The following DUS2 variants were observed in gnomAD, a reference collection of about 807,000 sequenced individuals.
DUS2 encodes dihydrouridine synthase 2.
DUS2 carries 52 observed loss-of-function variants against 71.3 expected under a neutral mutation model. That is an observed-to-expected ratio of 0.73 (90% confidence interval 0.58 to 0.92). The LOEUF (loss-of-function observed/expected upper bound fraction) is 0.92. Ranked by LOEUF, DUS2 falls within the 40% of genes least tolerant of loss-of-function variation. The pLI is 0.00. For missense variants in DUS2, 558 were observed against 622.6 expected (o/e 0.90, Z 1.10); for synonymous variants, 204 against 227.8 (o/e 0.90, Z 0.94).
intron 2 of DUS2, among the ~76,000 whole-genome samples, chr16:68,031,693 G>T (rs989091542): frequency 1.3e-5 from 2 of 151,590 alleles, no homozygotes; most frequent in East Asian, 1.9e-4. Flanking sequence ...TGAAGTTAAG[G>T]TTATTATTTT....
chr16:68,062,671 A>G (rs1351425228), intron 8 of DUS2, among the ~76,000 whole-genome samples: 1 of 146,872 alleles, frequency 6.8e-6, no homozygotes, highest in African/African-American at 2.5e-5. Context: ...GTGAGCAGAG[A>G]TCGTGCCACT....
intron 15 of DUS2, chr16:68,077,886 G>T (rs551583427): frequency 6.3e-6 from 1 of 159,736 alleles, no homozygotes; most frequent in East Asian, 1.8e-4. Flanking sequence ...GGTTGTGTCT[G>T]TGTCCCCACT....
chr16:68,027,857 G>C (rs960266345), intron 2 of DUS2, among the ~76,000 whole-genome samples: 2 of 151,392 alleles, frequency 1.3e-5, no homozygotes, highest in Non-Finnish European at 1.5e-5. Flanking sequence ...TGGCCCCTGG[G>C]CAGGGACAGC....
chr16:68,032,653 G>A (rs1034176432), intron 2 of DUS2, among the ~76,000 whole-genome samples: 4 of 152,184 alleles, frequency 2.6e-5, no homozygotes, highest in African/African-American at 9.6e-5. Context: ...GAAGCAGACA[G>A]TTTGGTGTGG....
chr16:68,036,624 G>C (rs529430882), intron 2 of DUS2, among the ~76,000 whole-genome samples: 4 of 152,226 alleles, frequency 2.6e-5, no homozygotes, highest in African/African-American at 7.2e-5. Context: ...ATTTTAAGTA[G>C]AGATGGGGTT....
rs2034075734 is a variant in DUS2 at position 68,070,953 on chromosome 16, G to C, written c.655G>C (p.Asp219His). 6.2e-7 allele frequency: 1 copy of C among 1,614,034 alleles called. No individual in the cohort carries two copies. The highest frequency in any genetic ancestry group is 1.3e-5 in the African/African-American group (1 of 74,932). ...IPVIANGGSH[D>H]HIQQYSDIED... ...GTTGCTTTTTAGCGGAGGATCTCATGACCACATCCAACAGTATTCGGACAT... is the reference window on the plus strand; with the variant it reads ...GTTGCTTTTTAGCGGAGGATCTCATCACCACATCCAACAGTATTCGGACAT... The change falls in exon 12 of 17, where the codon GAC becomes CAC. Residue 219 changes from aspartate (D) to histidine (H), a missense_variant. Physicochemically the swap from Asp to His is moderately conservative, Grantham distance 81. Transcript: ENST00000565263.
chr16:68,035,929 T>TATATAC (rs1416625748), intron 2 of DUS2, among the ~76,000 whole-genome samples: 43 of 108,522 alleles, frequency 4.0e-4, no homozygotes, highest in African/African-American at 1.5e-3. Context: ...TATATATATA[T>TATATAC]ACACACATAC....
intron 3 of DUS2, among the ~76,000 whole-genome samples, chr16:68,042,739 C>T (rs1158225490): frequency 3.3e-5 from 5 of 151,742 alleles, no homozygotes; most frequent in Non-Finnish European, 5.9e-5. Context: ...GACAGAGTCT[C>T]GCTCTATCGC....
At chr16:68,059,917 C>T (rs1266377891) in intron 7 of DUS2, among the ~76,000 whole-genome samples, 1 of 152,114 alleles carries the variant, frequency 6.6e-6, no homozygotes, top group Non-Finnish European at 1.5e-5. Context: ...AAAGCAACCA[C>T]CATTACTATT....
At chr16:68,060,960 C>T in intron 7 of DUS2, 106 bp from the exon 8 acceptor site, 1 of 1,100,324 alleles carries the variant, frequency 9.1e-7, no homozygotes. Flanking sequence ...GCCTTGGTCC[C>T]TTGGAAGTGA....
chr16:68,053,496 C>T (rs1291747199), intron 4 of DUS2, 68 bp from the exon 5 acceptor site: 13 of 1,485,952 alleles, frequency 8.7e-6, no homozygotes, highest in Non-Finnish European at 1.1e-5. Flanking sequence ...TGTTTTCTTC[C>T]AGGGCTTAGG....
At chr16:68,076,549 C>T in intron 14 of DUS2, 83 bp from the exon 15 acceptor site, 2 of 1,058,564 alleles carry the variant, frequency 1.9e-6, no homozygotes, top group South Asian at 1.4e-5. Flanking sequence ...TCTGCAGCTC[C>T]TTTCAGGAGC....
chr16:68,061,116 A>G lies in DUS2; in HGVS notation c.417+3A>G. The G allele has an allele frequency of 1.2e-6, 2 of 1,614,120 alleles. No homozygotes were observed. Among genetic ancestry groups the G allele is most frequent in the Admixed American group, 1.7e-5 (1 of 60,022 alleles). On this transcript the variant is annotated splice_donor_region_variant and intron_variant, in intron 8 of 16. Coordinates refer to ENST00000565263, the MANE Select transcript of DUS2 (RefSeq NM_017803.5). ...CAGACCCTGACAAGATTGAGAAGGT[A>G]AGTCCTCCACGAGTGAAAGCAGGGG...
intron 7 of DUS2, among the ~76,000 whole-genome samples, chr16:68,059,333 G>T (rs1487160599): frequency 2.0e-5 from 3 of 152,246 alleles, no homozygotes; most frequent in African/African-American, 7.2e-5. Flanking sequence ...ATTCAAAAAA[G>T]CAAGTAAGTT....
At chr16:68,032,680 G>A (rs900304045) in intron 2 of DUS2, among the ~76,000 whole-genome samples, 1 of 152,110 alleles carries the variant, frequency 6.6e-6, no homozygotes, top group African/African-American at 2.4e-5. Context: ...TTAAAGGAAG[G>A]CCAGGGTGGC....
intron 10 of DUS2, 110 bp from the exon 11 acceptor site, chr16:68,070,024 C>G: frequency 1.0e-6 from 1 of 957,130 alleles, no homozygotes; most frequent in Non-Finnish European, 1.7e-6. Context: ...GCCACCTGAC[C>G]TTCCTGAGGT....
intron 15 of DUS2, chr16:68,078,200 A>T (rs2034185749): frequency 1.8e-6 from 1 of 544,790 alleles, no homozygotes; most frequent in African/African-American, 1.9e-5. Flanking sequence ...CTCCATAGTC[A>T]TGTGCAGCTA....
chr16:68,031,599 C>G (rs1212044375), intron 2 of DUS2, among the ~76,000 whole-genome samples: 1 of 152,078 alleles, frequency 6.6e-6, no homozygotes, highest in African/African-American at 2.4e-5. Flanking sequence ...TTCTCTCATT[C>G]TCAAATAAAC....
intron 7 of DUS2, among the ~76,000 whole-genome samples, chr16:68,060,282 G>T (rs1170517512): frequency 6.6e-6 from 1 of 152,074 alleles, no homozygotes. Context: ...AGATTTGTGG[G>T]ATTTACCAAG....
Sources: allele counts gnomAD v4.1 joint callset (sites outside exome capture counted in the v4.1 genomes callset), GRCh38; gene constraint gnomAD v4.1.1; transcripts MANE v1.5; gene names NCBI Gene and HGNC (gene_info 2026-07-23, HGNC 2026-07-21).